PRKCB: variants seen among roughly 807,000 people sequenced by gnomAD.
PRKCB encodes the protein protein kinase C beta.
PRKCB carries 13 observed loss-of-function variants against 81.5 expected under a neutral mutation model. The observed-to-expected ratio is 0.16, with a 90% CI of 0.10 to 0.25. PRKCB has a LOEUF of 0.25. Ranked by LOEUF, PRKCB falls within the 10% of genes least tolerant of loss-of-function variation. The pLI, the probability that PRKCB is intolerant of heterozygous loss-of-function variation, is 1.00. For missense variants in PRKCB, 509 were observed against 875.7 expected, an observed-to-expected ratio of 0.58 and a Z score of 5.29; for synonymous variants, 335 against 321.4, an observed-to-expected ratio of 1.04 and a Z score of -0.45.
At chr16:24,213,188 C>A (rs1198156015) in intron 16 of PRKCB, among the ~76,000 whole-genome samples, 7 of 152,076 alleles carry the variant, frequency 4.6e-5, no homozygotes, top group African/African-American at 9.7e-5. Flanking sequence ...GTGCCCATCA[C>A]CACGCCTGGC....
chr16:24,060,965 T>C (rs557825594), intron 5 of PRKCB, among the ~76,000 whole-genome samples: 1 of 152,354 alleles, frequency 6.6e-6, no homozygotes, highest in African/African-American at 2.4e-5. Context: ...TTGTATCTTT[T>C]CTCTAAAATA....
intron 9 of PRKCB, among the ~76,000 whole-genome samples, chr16:24,152,961 T>A (rs1421162888): frequency 6.6e-6 from 1 of 152,182 alleles, no homozygotes; most frequent in African/African-American, 2.4e-5. Flanking sequence ...GCCTGGCCTT[T>A]GTCACTGTGG....
chr16:23,842,127 A>G (rs2141074888), intron 2 of PRKCB, among the ~76,000 whole-genome samples: 1 of 152,258 alleles, frequency 6.6e-6, no homozygotes, highest in Middle Eastern at 3.4e-3. Context: ...ATAGAGAGGC[A>G]ATAAAATATA....
chr16:24,021,059 C>CCTCT (rs1567346797), intron 3 of PRKCB, among the ~76,000 whole-genome samples: 1 of 46,678 alleles, frequency 2.1e-5, no homozygotes, highest in South Asian at 1.2e-3. Context: ...TCTTTCTTTC[C>CCTCT]CTCCCTCCCT....
At chr16:23,900,718 G>GCTT (rs1963456834) in intron 2 of PRKCB, among the ~76,000 whole-genome samples, 1 of 62,232 alleles carries the variant, frequency 1.6e-5, no homozygotes, top group Non-Finnish European at 2.7e-5. Context: ...AGCTGCACAG[G>GCTT]TTTTTTTTTT....
At chr16:23,936,001 A>G (rs915620457) in intron 2 of PRKCB, among the ~76,000 whole-genome samples, 2 of 152,176 alleles carry the variant, frequency 1.3e-5, no homozygotes, top group African/African-American at 2.4e-5. Flanking sequence ...ACATGTACCT[A>G]CTGTATCTAA....
At chr16:24,141,149 C>G (rs924042230) in intron 9 of PRKCB, among the ~76,000 whole-genome samples, 1 of 152,048 alleles carries the variant, frequency 6.6e-6, no homozygotes, top group Non-Finnish European at 1.5e-5. Flanking sequence ...TATATTTTAC[C>G]CTGATATCCA....
intron 2 of PRKCB, among the ~76,000 whole-genome samples, chr16:23,980,604 A>T (rs1475346662): frequency 6.6e-6 from 1 of 152,152 alleles, no homozygotes; most frequent in Non-Finnish European, 1.5e-5. Flanking sequence ...CTGCTTCCAG[A>T]AACTTAGCCT....
At chr16:23,901,981 A>T (rs1963481809) in intron 2 of PRKCB, among the ~76,000 whole-genome samples, 1 of 152,156 alleles carries the variant, frequency 6.6e-6, no homozygotes. Context: ...CACAGTAGGC[A>T]CTGAAAAAAT....
chr16:23,956,979 TAAAAA>T (rs10714409), intron 2 of PRKCB, among the ~76,000 whole-genome samples: 1 of 45,954 alleles, frequency 2.2e-5, no homozygotes, highest in African/African-American at 8.9e-5. Flanking sequence ...CTATAGGCAG[TAAAAA>T]AAAAAAAAAA....
intron 2 of PRKCB, among the ~76,000 whole-genome samples, chr16:23,930,388 G>A (rs1008401257): frequency 2.0e-5 from 3 of 152,038 alleles, no homozygotes; most frequent in Admixed American, 6.5e-5. Context: ...GGGCAACATG[G>A]TGAAACCCTA....
At chr16:24,044,980 C>G (rs1394620309) in intron 5 of PRKCB, among the ~76,000 whole-genome samples, 2 of 152,144 alleles carry the variant, frequency 1.3e-5, no homozygotes, top group East Asian at 3.8e-4. Flanking sequence ...GGATACCAAC[C>G]AGGTTGTAAA....
intron 10 of PRKCB, among the ~76,000 whole-genome samples, chr16:24,171,361 C>T (rs553686949): frequency 3.3e-5 from 5 of 152,246 alleles, no homozygotes; most frequent in East Asian, 1.9e-4. Flanking sequence ...CATGGCATGG[C>T]GGCAGGCTTC....
At chr16:24,031,948 T>C in intron 3 of PRKCB, 188 bp from the exon 4 acceptor site, 1 of 506,842 alleles carries the variant, frequency 2.0e-6, no homozygotes, top group Non-Finnish European at 3.5e-6. Context: ...TTGTCCTTCA[T>C]TCCTTCCACA....
intron 2 of PRKCB, among the ~76,000 whole-genome samples, chr16:23,979,153 A>C (rs1022813038): frequency 1.3e-5 from 2 of 152,190 alleles, no homozygotes; most frequent in Non-Finnish European, 2.9e-5. Flanking sequence ...CTCTATGAGG[A>C]AAGTACTATC....
At chr16:23,881,253 GT>G (rs35846626) in intron 2 of PRKCB, among the ~76,000 whole-genome samples, 18,986 of 136,222 alleles carry the variant, frequency 0.14, 1,163 homozygotes, top group Middle Eastern at 0.23. Context: ...TCTTTTCCCA[GT>G]TTTTTTTTTT....
intron 16 of PRKCB, among the ~76,000 whole-genome samples, chr16:24,196,632 G>A (rs956334816): frequency 6.6e-6 from 1 of 152,180 alleles, no homozygotes; most frequent in Non-Finnish European, 1.5e-5. Flanking sequence ...AGTCACCTGG[G>A]TATCTGGCTA....
At chr16:24,001,332 T>A (rs1276339022) in intron 3 of PRKCB, among the ~76,000 whole-genome samples, 1 of 152,220 alleles carries the variant, frequency 6.6e-6, no homozygotes, top group Non-Finnish European at 1.5e-5. Context: ...TTAGGTCCTG[T>A]GATCTCCTAA....
At chr16:24,047,537 TAA>T (rs796565689) in intron 5 of PRKCB, among the ~76,000 whole-genome samples, 11 of 128,238 alleles carry the variant, frequency 8.6e-5, no homozygotes, top group African/African-American at 8.6e-5. Context: ...TCTCTCCTTC[TAA>T]AAAAAAAAAA....
Sources: gnomAD v4.1 joint callset for allele counts (sites outside exome capture counted in the v4.1 genomes callset) on GRCh38, gnomAD v4.1.1 for gene constraint, MANE v1.5 for transcripts, NCBI Gene and HGNC (gene_info 2026-07-23, HGNC 2026-07-21) for gene names.